Variants in GPC5 observed in about 807,000 individuals in gnomAD.
GPC5 encodes glypican-5.
A neutral mutation model predicts 53.9 loss-of-function variants in GPC5; 47 were observed. The ratio of observed to expected loss-of-function variants is 0.87; its 90% CI spans 0.69 to 1.11. The LOEUF (loss-of-function observed/expected upper bound fraction) is 1.11. GPC5 is among the 50% of genes most tolerant of loss of function. GPC5 has a pLI of 0.00. For missense variants in GPC5, 748 were observed against 713.1 expected, an observed-to-expected ratio of 1.05 and a Z score of -0.56; for synonymous variants, 286 against 263.3, an observed-to-expected ratio of 1.09 and a Z score of -0.84.
chr13:91,777,634 T>C (rs755388298), intron 5 of GPC5, among the ~76,000 whole-genome samples: 1 of 152,208 alleles, frequency 6.6e-6, no homozygotes, highest in Non-Finnish European at 1.5e-5. Context: ...ATACAAAATT[T>C]ATTGTATTTT....
intron 6 of GPC5, among the ~76,000 whole-genome samples, chr13:92,100,206 C>T (rs923009690): frequency 6.6e-6 from 1 of 152,082 alleles, no homozygotes; most frequent in Non-Finnish European, 1.5e-5. Context: ...AGTTCAAGAC[C>T]AACCTGTCCA....
chr13:92,209,957 A>G (rs1368571454), intron 7 of GPC5, among the ~76,000 whole-genome samples: 1 of 152,148 alleles, frequency 6.6e-6, no homozygotes, highest in East Asian at 1.9e-4. Context: ...AACATCCAGC[A>G]TGGGAGACAA....
chr13:92,110,365 A>C (rs2041547306), intron 6 of GPC5, among the ~76,000 whole-genome samples: 1 of 152,204 alleles, frequency 6.6e-6, no homozygotes, highest in South Asian at 2.1e-4. Context: ...AGAAAGGTCT[A>C]CTCAAAAATC....
At chr13:92,145,823 T>C (rs1054354321) in intron 7 of GPC5, among the ~76,000 whole-genome samples, 1 of 152,094 alleles carries the variant, frequency 6.6e-6, no homozygotes. Context: ...TATGTAGAGG[T>C]TGGTCTGATA....
intron 7 of GPC5, among the ~76,000 whole-genome samples, chr13:92,210,735 G>C (rs942251454): frequency 6.6e-6 from 1 of 152,130 alleles, no homozygotes; most frequent in African/African-American, 2.4e-5. Context: ...ATATGTAAGG[G>C]AATAGCAAAA....
At chr13:91,566,828 TA>T (rs2031553087) in intron 2 of GPC5, among the ~76,000 whole-genome samples, 1 of 152,144 alleles carries the variant, frequency 6.6e-6, no homozygotes, top group African/African-American at 2.4e-5. Context: ...AAGAGGTTTT[TA>T]ATTTTGAAAA....
intron 7 of GPC5, among the ~76,000 whole-genome samples, chr13:92,618,259 TA>T (rs1216703247): frequency 6.6e-6 from 1 of 152,130 alleles, no homozygotes; most frequent in African/African-American, 2.4e-5. Context: ...CAAACTAACG[TA>T]GTATTATTTT....
At chr13:92,549,609 G>A (rs997709905) in intron 7 of GPC5, among the ~76,000 whole-genome samples, 3 of 151,876 alleles carry the variant, frequency 2.0e-5, no homozygotes, top group Non-Finnish European at 2.9e-5. Context: ...TCATGCACTG[G>A]TATATATAAT....
intron 2 of GPC5, among the ~76,000 whole-genome samples, chr13:91,503,421 T>C (rs1884755507): frequency 6.6e-6 from 1 of 152,052 alleles, no homozygotes; most frequent in East Asian, 1.9e-4. Context: ...TAAAAAGACT[T>C]TTAAAAACCC....
At chr13:92,862,849 A>T (rs186360511) in intron 7 of GPC5, among the ~76,000 whole-genome samples, 200 of 152,296 alleles carry the variant, frequency 1.3e-3, no homozygotes, top group Non-Finnish European at 2.5e-3. Context: ...GTCTCTAAAC[A>T]TACTTGCCTT....
chr13:91,567,847 C>T (rs1048837514), intron 2 of GPC5, among the ~76,000 whole-genome samples: 3 of 152,160 alleles, frequency 2.0e-5, no homozygotes, highest in African/African-American at 7.2e-5. Context: ...TGTGTCCCCA[C>T]CCAAATCTCA....
In GPC5 at chr13:92,357,124, G is replaced by A. The variant is rs139899861; in HGVS notation, c.1561+212135G>A. ...TCTTTATCCAATGTATCATTGATGG[G>A]CATTTGGATTGATTCCATGTCTTCG... On this transcript the variant is annotated intron_variant, in intron 7 of 7. Coordinates refer to ENST00000377067, the MANE Select transcript of GPC5 (RefSeq NM_004466.6). Among the ~76,000 whole-genome samples, 44 of 151,804 alleles carry A rather than the reference G, an allele frequency of 2.9e-4. 1 individual carries two copies. Among genetic ancestry groups the A allele is most frequent in the African/African-American group, 1.0e-3 (41 of 41,102 alleles).
At chr13:91,533,722 G>A (rs1886458815) in intron 2 of GPC5, among the ~76,000 whole-genome samples, 1 of 152,202 alleles carries the variant, frequency 6.6e-6, no homozygotes, top group Non-Finnish European at 1.5e-5. Flanking sequence ...ATGCAATTGA[G>A]TAACTTCCAT....
At chr13:92,330,437 A>T (rs994836132) in intron 7 of GPC5, among the ~76,000 whole-genome samples, 7 of 152,096 alleles carry the variant, frequency 4.6e-5, no homozygotes, top group Non-Finnish European at 7.4e-5. Flanking sequence ...CTAACAAGCA[A>T]TTTCCATGTA....
rs150852165 is a variant in GPC5 at position 91,447,875 on chromosome 13, C to T, written c.164-886C>T. On this transcript the variant is annotated intron_variant, in intron 1 of 7. Transcript: ENST00000377067. ...CTGAGCTTTACTTATAATCTAGTAG[C>T]CTTGGAATGCCCTGGGGCTCACATC... Among the ~76,000 whole-genome samples the T allele has an allele frequency of 3.6e-3, 550 of 151,926 alleles. 1 individual carries two copies. The highest frequency in any genetic ancestry group is 6.2e-3 in the Non-Finnish European group (422 of 67,970).
At chr13:91,824,861 A>G (rs1390221856) in intron 5 of GPC5, among the ~76,000 whole-genome samples, 1 of 152,116 alleles carries the variant, frequency 6.6e-6, no homozygotes. Context: ...TCTATTGAAC[A>G]CTTTCTATGT....
At chr13:92,157,711 C>T (rs903480999) in intron 7 of GPC5, among the ~76,000 whole-genome samples, 1 of 152,118 alleles carries the variant, frequency 6.6e-6, no homozygotes, top group African/African-American at 2.4e-5. Flanking sequence ...TGAGGTTTAT[C>T]GTTATTTTTT....
chr13:92,538,346 C>T (rs1480769015), intron 7 of GPC5, among the ~76,000 whole-genome samples: 4 of 151,494 alleles, frequency 2.6e-5, no homozygotes, highest in Non-Finnish European at 4.4e-5. Context: ...TCCTTCCTGT[C>T]CTACTCTTTT....
intron 2 of GPC5, among the ~76,000 whole-genome samples, chr13:91,623,088 A>G (rs1265889805): frequency 6.6e-6 from 1 of 152,114 alleles, no homozygotes; most frequent in Non-Finnish European, 1.5e-5. Flanking sequence ...ATATCTTTAT[A>G]TCTCTGTATC....
Sources: allele counts gnomAD v4.1 joint callset (sites outside exome capture counted in the v4.1 genomes callset), GRCh38; gene constraint gnomAD v4.1.1; transcripts MANE v1.5; gene names NCBI Gene and HGNC (gene_info 2026-07-23, HGNC 2026-07-21).